CFAP20: variants seen among roughly 807,000 people sequenced by gnomAD.
CFAP20 encodes the protein cilia- and flagella-associated protein 20.
Under a neutral mutation model 25.5 loss-of-function variants are expected in CFAP20, and 14 were observed. That is an observed-to-expected ratio of 0.55 (90% CI 0.36 to 0.86). The LOEUF (loss-of-function observed/expected upper bound fraction) is 0.86, where lower values mean the gene tolerates loss of function less well. Among genes scored for constraint, CFAP20 ranks in the 40% least tolerant of loss-of-function variants. CFAP20 has a pLI of 0.01. For synonymous variants in CFAP20, 75 were observed against 91.1 expected (o/e 0.82, Z 1.01); for missense variants, 181 against 248.0 (o/e 0.73, Z 1.81).
chr16:58,125,051 C>T (rs1960593725), intron 1 of CFAP20, among the ~76,000 whole-genome samples: 1 of 152,164 alleles, frequency 6.6e-6, no homozygotes, highest in African/African-American at 2.4e-5. Flanking sequence ...TAGCTTAAAA[C>T]ACAATGTTCA....
At chr16:58,117,724 C>A (rs534617332) in intron 1 of CFAP20, among the ~76,000 whole-genome samples, 3 of 152,192 alleles carry the variant, frequency 2.0e-5, no homozygotes, top group Non-Finnish European at 4.4e-5. Context: ...TGGGCCACTG[C>A]GCCCGTCCTG....
intron 4 of CFAP20, 57 bp from the exon 5 acceptor site, chr16:58,114,977 T>G (rs911241640): frequency 6.9e-7 from 1 of 1,459,246 alleles, no homozygotes; most frequent in Non-Finnish European, 9.6e-7. Context: ...CCCCTTTTCC[T>G]GAATCTTCTA....
chr16:58,117,038 C>A (rs1023547450), intron 1 of CFAP20, 87 bp from the exon 2 acceptor site: 3 of 1,223,330 alleles, frequency 2.5e-6, no homozygotes, highest in Non-Finnish European at 3.5e-6. Flanking sequence ...GCCCAAGAGG[C>A]GTACAAAGAA....
At chr16:58,114,946 A>C in intron 4 of CFAP20, 26 bp from the exon 5 acceptor site, 1 of 1,571,760 alleles carries the variant, frequency 6.4e-7, no homozygotes. Context: ...TTCTTTTGAG[A>C]GGCGAAATGT....
intron 1 of CFAP20, among the ~76,000 whole-genome samples, chr16:58,124,802 A>G (rs1360565077): frequency 6.6e-6 from 1 of 152,166 alleles, no homozygotes; most frequent in African/African-American, 2.4e-5. Context: ...GCTACAATAC[A>G]TTTATTTTAT....
rs923541967 is a variant in CFAP20 at position 58,129,356 on chromosome 16, C to A, written c.-241G>T. On this transcript the variant is annotated 5_prime_UTR_variant, in exon 1 of 6. Transcript: ENST00000262498. ...CGGAAACCACAGCAACTACCGTCCG[C>A]GCCGCGGTATTTCCCCGCCTTCAAT... The A allele has an allele frequency of 2.0e-6, 1 of 488,666 alleles. No homozygotes were observed. The highest frequency in any genetic ancestry group is 3.5e-5 in the Admixed American group (1 of 28,348). The allele number at this position is 488,666 out of a possible 1,614,324, so 30.3% of individuals were successfully genotyped here. A position where few individuals can be genotyped will look rare whatever the true frequency, so the allele number is the denominator to read the frequency against.
intron 1 of CFAP20, among the ~76,000 whole-genome samples, chr16:58,118,094 C>T (rs1296527407): frequency 6.6e-6 from 1 of 152,188 alleles, no homozygotes. Context: ...GATTCCTCCT[C>T]TCAAAATATT....
intron 1 of CFAP20, among the ~76,000 whole-genome samples, chr16:58,126,846 C>T (rs1316964392): frequency 6.6e-6 from 1 of 152,228 alleles, no homozygotes; most frequent in Non-Finnish European, 1.5e-5. Flanking sequence ...AGAAAAAGCA[C>T]ACACGACAAA....
intron 5 of CFAP20, 33 bp from the exon 6 acceptor site, chr16:58,114,063 T>C (rs1597085560): frequency 1.2e-6 from 2 of 1,611,804 alleles, no homozygotes; most frequent in East Asian, 2.2e-5. Context: ...TGGCATCAGT[T>C]TAAGTTACTA....
intron 1 of CFAP20, among the ~76,000 whole-genome samples, chr16:58,124,343 T>C (rs1473813064): frequency 6.6e-6 from 1 of 152,246 alleles, no homozygotes; most frequent in African/African-American, 2.4e-5. Flanking sequence ...GTCCCTGCCA[T>C]ATTTAATTCT....
chr16:58,126,124 A>T lies in CFAP20; in HGVS notation c.84+2908T>A, dbSNP rs77575907. ...CTGGAACACAGCACAGCCAGGATGC[A>T]AATCCAAGGTGTCTGACCACGCCCT... On this transcript the variant is annotated intron_variant, in intron 1 of 5. Coordinates refer to ENST00000262498, the MANE Select transcript of CFAP20 (RefSeq NM_013242.3). Among the ~76,000 whole-genome samples the T allele has an allele frequency of 3.1e-3, 473 of 152,332 alleles. 14 individuals carry two copies. The East Asian group carries it at 0.077, about 25-fold the overall frequency.
In CFAP20 at chr16:58,129,146, C is replaced by T. The variant is rs1185444609; in HGVS notation, c.-31G>A. ...CGGCGGCCTTCTCCTAAGCCGCCCCCGGAGCCGACCTAGGCCCCGGAGTAG... is the reference window on the plus strand; with the variant it reads ...CGGCGGCCTTCTCCTAAGCCGCCCCTGGAGCCGACCTAGGCCCCGGAGTAG... On this transcript the variant is annotated 5_prime_UTR_variant, in exon 1 of 6. Transcript: ENST00000262498. 6.2e-7 allele frequency: 1 copy of T among 1,611,124 alleles called. No homozygotes were observed. The highest frequency in any genetic ancestry group is 1.3e-5 in the African/African-American group (1 of 74,968).
chr16:58,125,808 G>A (rs1960603598), intron 1 of CFAP20, among the ~76,000 whole-genome samples: 1 of 152,162 alleles, frequency 6.6e-6, no homozygotes, highest in Non-Finnish European at 1.5e-5. Context: ...TACATGACTG[G>A]CAGTGCAGTA....
rs192323268 is a variant in CFAP20, at chr16:58,118,162, C to G, written c.85-1211G>C. 4.6e-5 allele frequency among the ~76,000 whole-genome samples: 7 copies of G among 152,314 alleles called. No homozygotes were observed. The East Asian group carries it at 1.2e-3, about 25-fold the overall frequency. ...TTTTAAGCAACTAATATGGACAGAA[C>G]AGAGATATGCAAAGGCACTTTCAAA... On this transcript the variant is annotated intron_variant, in intron 1 of 5. Coordinates refer to ENST00000262498, the MANE Select transcript of CFAP20 (RefSeq NM_013242.3).
intron 1 of CFAP20, among the ~76,000 whole-genome samples, chr16:58,126,967 A>G (rs1388935926): frequency 6.7e-6 from 1 of 148,788 alleles, no homozygotes; most frequent in Non-Finnish European, 1.5e-5. Flanking sequence ...AAATAAGAAG[A>G]GTTAGAAACA....
chr16:58,114,931 A>G lies in CFAP20; in HGVS notation c.466-11T>C. The G allele has an allele frequency of 6.2e-7, 1 of 1,601,192 alleles. No individual in the cohort carries two copies. Among genetic ancestry groups the G allele is most frequent in the Non-Finnish European group, 8.6e-7 (1 of 1,168,340 alleles). ...ACAATTTGCATGGATCTGTCAAGGCAATGCTTCTTTTGAGAGGCGAAATGT... is the reference window on the plus strand; with the variant it reads ...ACAATTTGCATGGATCTGTCAAGGCGATGCTTCTTTTGAGAGGCGAAATGT... On this transcript the variant is annotated splice_polypyrimidine_tract_variant and intron_variant, in intron 4 of 5. Transcript: ENST00000262498.
intron 1 of CFAP20, among the ~76,000 whole-genome samples, chr16:58,123,793 T>C (rs1960572669): frequency 6.6e-6 from 1 of 152,066 alleles, no homozygotes; most frequent in South Asian, 2.1e-4. Context: ...AAACCCCTAA[T>C]TTCTTCTAAG....
chr16:58,127,997 A>T (rs999133959), intron 1 of CFAP20, among the ~76,000 whole-genome samples: 6 of 152,186 alleles, frequency 3.9e-5, no homozygotes, highest in Admixed American at 3.3e-4. Context: ...TTCCACATGC[A>T]TCTCTCTAAA....
chr16:58,123,595 C>CAAAAAAAAAAA (rs574037205), intron 1 of CFAP20, among the ~76,000 whole-genome samples: 12 of 45,720 alleles, frequency 2.6e-4, no homozygotes, highest in Non-Finnish European at 4.3e-4. Context: ...GACTCTGTCT[C>CAAAAAAAAAAA]AAAAAAAAAA....
Sources: allele counts gnomAD v4.1 joint callset (sites outside exome capture counted in the v4.1 genomes callset), GRCh38; gene constraint gnomAD v4.1.1; transcripts MANE v1.5; gene names NCBI Gene and HGNC (gene_info 2026-07-23, HGNC 2026-07-21).